ZFAND3: variants seen among roughly 807,000 people sequenced by gnomAD.
ZFAND3 encodes the protein zinc finger AN1-type containing 3.
In ZFAND3, 10 loss-of-function variants were observed where a neutral mutation model predicts 29.6. That is an observed-to-expected ratio of 0.34 (90% CI 0.21 to 0.57). The LOEUF (loss-of-function observed/expected upper bound fraction) is 0.57, where lower values mean the gene tolerates loss of function less well. Ranked by LOEUF, ZFAND3 falls within the 20% of genes least tolerant of loss-of-function variation. The pLI, the probability that ZFAND3 is intolerant of heterozygous loss-of-function variation, is 0.86. For synonymous variants in ZFAND3, 128 were observed against 112.6 expected, an observed-to-expected ratio of 1.14 and a Z score of -0.87; for missense variants, 230 against 304.5, an observed-to-expected ratio of 0.76 and a Z score of 1.82.
chr6:37,883,293 T>G (rs1262141077), intron 1 of ZFAND3, among the ~76,000 whole-genome samples: 1 of 152,154 alleles, frequency 6.6e-6, no homozygotes, highest in African/African-American at 2.4e-5. Context: ...GAGTCACACA[T>G]AGTACAAGCA....
chr6:37,914,662 C>CTTTTTTTTTTTT (rs1327923079), intron 1 of ZFAND3, among the ~76,000 whole-genome samples: 9 of 62,464 alleles, frequency 1.4e-4, no homozygotes, highest in African/African-American at 4.0e-4. Flanking sequence ...TTCTTTCTTT[C>CTTTTTTTTTTTT]TTTTTTTTTC....
At chr6:37,831,497 C>T (rs933701179) in intron 1 of ZFAND3, among the ~76,000 whole-genome samples, 3 of 152,146 alleles carry the variant, frequency 2.0e-5, no homozygotes, top group South Asian at 2.1e-4. Flanking sequence ...AGAAAGCTCA[C>T]GGTCTAGAAG....
Position 37,970,917 on chromosome 6 carries a change from C to CAAACAAA in ZFAND3, c.112+40918_112+40919insAAACAAA, listed in dbSNP as rs1554163777. On this transcript the variant is annotated intron_variant, in intron 2 of 5. Coordinates refer to ENST00000287218, the MANE Select transcript of ZFAND3 (RefSeq NM_021943.3). The stretch of plus-strand genomic sequence containing the variant: ...GAGACTCCGTCTCAAAACAAACAAA[C>CAAACAAA]CAAACAAACAAACAAACAAACAAAA... 1.1e-4 allele frequency among the ~76,000 whole-genome samples: 14 copies of CAAACAAA among 128,800 alleles called. No individual in the cohort carries two copies. The South Asian group carries it at 3.0e-3, about 28-fold the overall frequency. 84.5% of individuals were successfully genotyped at this position (128,800 alleles called of 152,430 possible). A position where few individuals can be genotyped will look rare whatever the true frequency, so the allele number is the denominator to read the frequency against.
chr6:37,985,964 A>G (rs1042783779), intron 2 of ZFAND3, among the ~76,000 whole-genome samples: 3 of 152,226 alleles, frequency 2.0e-5, no homozygotes, highest in African/African-American at 7.2e-5. Context: ...TCCTGTGCTA[A>G]AAGCATTTTG....
At chr6:37,820,118 G>T in intron 1 of ZFAND3, 102 bp downstream of exon 1, 1 of 964,434 alleles carries the variant, frequency 1.0e-6, no homozygotes, top group Non-Finnish European at 1.3e-6. Context: ...AACCTTGGAG[G>T]CTGGGCCCAG....
intron 3 of ZFAND3, among the ~76,000 whole-genome samples, chr6:38,067,061 C>T (rs923103870): frequency 6.6e-6 from 1 of 152,208 alleles, no homozygotes; most frequent in African/African-American, 2.4e-5. Context: ...ATGGTAACGG[C>T]TCACAACAAG....
chr6:37,967,705 A>G (rs1202146650), intron 2 of ZFAND3, among the ~76,000 whole-genome samples: 5 of 152,232 alleles, frequency 3.3e-5, no homozygotes, highest in Non-Finnish European at 7.3e-5. Flanking sequence ...CTCTTACAGC[A>G]AGAAACTTGG....
At chr6:38,080,030 T>C (rs1369714335) in intron 3 of ZFAND3, among the ~76,000 whole-genome samples, 1 of 150,676 alleles carries the variant, frequency 6.6e-6, no homozygotes, top group Admixed American at 6.6e-5. Flanking sequence ...TCTCAAATGT[T>C]ACACCCTAAT....
intron 1 of ZFAND3, among the ~76,000 whole-genome samples, chr6:37,846,477 G>A (rs1293712309): frequency 6.6e-6 from 1 of 152,128 alleles, no homozygotes; most frequent in East Asian, 1.9e-4. Flanking sequence ...GAAAGCCATC[G>A]AGCACCTAAT....
At chr6:37,998,635 A>G (rs1298229562) in intron 2 of ZFAND3, among the ~76,000 whole-genome samples, 1 of 152,184 alleles carries the variant, frequency 6.6e-6, no homozygotes, top group African/African-American at 2.4e-5. Context: ...TGAGTATTGT[A>G]TTCTAGCTGA....
intron 1 of ZFAND3, among the ~76,000 whole-genome samples, chr6:37,840,487 G>A (rs1764052184): frequency 6.6e-6 from 1 of 152,214 alleles, no homozygotes; most frequent in Non-Finnish European, 1.5e-5. Context: ...CAGGAATTGT[G>A]TGACTTCTAC....
intron 1 of ZFAND3, among the ~76,000 whole-genome samples, chr6:37,870,437 A>T (rs1368080533): frequency 2.0e-5 from 3 of 151,696 alleles, no homozygotes; most frequent in African/African-American, 7.3e-5. Flanking sequence ...CCCCGCCTCT[A>T]CTAAAAATAC....
chr6:38,082,526 A>C, intron 4 of ZFAND3, 69 bp downstream of exon 4: 1 of 1,464,440 alleles, frequency 6.8e-7, no homozygotes, highest in Non-Finnish European at 9.5e-7. Flanking sequence ...AACTGGTTCT[A>C]ACTTGGTGTG....
intron 2 of ZFAND3, among the ~76,000 whole-genome samples, chr6:38,050,047 C>G (rs1763995544): frequency 6.9e-6 from 1 of 144,892 alleles, no homozygotes; most frequent in Non-Finnish European, 1.5e-5. Context: ...TTCTGCATCC[C>G]AGGTTCAAGC....
At chr6:38,062,055 A>G (rs1356945293) in intron 3 of ZFAND3, among the ~76,000 whole-genome samples, 1 of 152,202 alleles carries the variant, frequency 6.6e-6, no homozygotes, top group African/African-American at 2.4e-5. Context: ...TTTTAAAACA[A>G]TTTTAATCTT....
chr6:38,053,687 A>C (rs6930340), intron 2 of ZFAND3, among the ~76,000 whole-genome samples: 10,001 of 152,260 alleles, frequency 0.066, 409 homozygotes, highest in Non-Finnish European at 0.094. Flanking sequence ...TGGCAGAGTG[A>C]GACTCTGTCT....
chr6:38,081,159 C>CT (rs200659624), intron 3 of ZFAND3, among the ~76,000 whole-genome samples: 13,334 of 143,860 alleles, frequency 0.093, 743 homozygotes, highest in East Asian at 0.29. Context: ...GAAGTTTTTT[C>CT]TTTTTTTTTT....
At position 37,909,639 on chromosome 6, in the gene ZFAND3, TG is replaced by T. The variant is rs1363583046; in HGVS notation, c.72-20319del. On this transcript the variant is annotated intron_variant, in intron 1 of 5. Transcript: ENST00000287218. ...AGAATTCTTTTTTTTTTTTTTTTTTTGATGTTTTGCTAAAGCTTTTGGTGGA... is the reference window on the plus strand; with the variant it reads ...AGAATTCTTTTTTTTTTTTTTTTTTTATGTTTTGCTAAAGCTTTTGGTGGA... Among the ~76,000 whole-genome samples, 240 of 130,994 alleles carry T rather than the reference TG, an allele frequency of 1.8e-3. 1 individual carries two copies. The highest frequency in any genetic ancestry group is 6.1e-3 in the African/African-American group (203 of 33,330). 85.9% of individuals were successfully genotyped at this position (130,994 alleles called of 152,430 possible). A position where few individuals can be genotyped will look rare whatever the true frequency, so the allele number is the denominator to read the frequency against.
intron 1 of ZFAND3, among the ~76,000 whole-genome samples, chr6:37,825,563 G>A (rs1763743639): frequency 6.6e-6 from 1 of 151,768 alleles, no homozygotes; most frequent in Non-Finnish European, 1.5e-5. Context: ...CTTTCTATTG[G>A]TTTGAGGCAA....
Sources: gnomAD v4.1 joint callset for allele counts (sites outside exome capture counted in the v4.1 genomes callset) on GRCh38, gnomAD v4.1.1 for gene constraint, MANE v1.5 for transcripts, NCBI Gene and HGNC (gene_info 2026-07-23, HGNC 2026-07-21) for gene names.